Variants in ERBIN observed in about 807,000 individuals in gnomAD.
The protein encoded by ERBIN is densin-180-like protein.
ERBIN carries 60 observed loss-of-function variants against 158.4 expected under a neutral mutation model. That is an observed-to-expected ratio of 0.38 (90% CI 0.31 to 0.47). The LOEUF (loss-of-function observed/expected upper bound fraction) is 0.47. ERBIN is among the 20% of genes least tolerant of loss of function. The pLI is 0.99. For missense variants in ERBIN, 1,610 were observed against 1,648.0 expected, an observed-to-expected ratio of 0.98 and a Z score of 0.40; for synonymous variants, 594 against 557.2, an observed-to-expected ratio of 1.07 and a Z score of -0.93.
chr5:65,973,477 T>C (rs1231841337), intron 1 of ERBIN, among the ~76,000 whole-genome samples: 1 of 151,236 alleles, frequency 6.6e-6, no homozygotes, highest in Non-Finnish European at 1.5e-5. Context: ...TGCATTTTAA[T>C]AGAGGATGTA....
intron 1 of ERBIN, among the ~76,000 whole-genome samples, chr5:65,953,481 T>A (rs1746750883): frequency 6.6e-6 from 1 of 152,238 alleles, no homozygotes. Context: ...AATCCAGGGC[T>A]TGAGCCACTG....
intron 1 of ERBIN, among the ~76,000 whole-genome samples, chr5:65,955,706 G>A (rs1174938626): frequency 1.3e-5 from 2 of 152,220 alleles, no homozygotes; most frequent in Non-Finnish European, 2.9e-5. Context: ...GATTTTGGCT[G>A]TCTTCAGGTC....
At chr5:65,948,565 A>G (rs1008529025) in intron 1 of ERBIN, among the ~76,000 whole-genome samples, 4 of 152,078 alleles carry the variant, frequency 2.6e-5, no homozygotes, top group Non-Finnish European at 4.4e-5. Flanking sequence ...GGGTAGGCTA[A>G]TGTAGTTTAC....
chr5:66,053,218 T>A (rs981579379), intron 20 of ERBIN, among the ~76,000 whole-genome samples, 188 bp from the exon 21 acceptor site: 2 of 152,196 alleles, frequency 1.3e-5, no homozygotes, highest in African/African-American at 4.8e-5. Flanking sequence ...TGTCTCCAAC[T>A]GAATATAAAG....
intron 14 of ERBIN, 57 bp downstream of exon 14, chr5:66,028,400 C>T (rs1192009739): frequency 2.9e-6 from 4 of 1,391,856 alleles, no homozygotes; most frequent in Non-Finnish European, 4.1e-6. Context: ...TATAGTTTTG[C>T]ACTCCGATTT....
chr5:65,984,217 C>T (rs1170693407), intron 1 of ERBIN, among the ~76,000 whole-genome samples: 1 of 151,640 alleles, frequency 6.6e-6, no homozygotes, highest in Non-Finnish European at 1.5e-5. Flanking sequence ...GTTTGCACAC[C>T]CAGCGTGGCC....
At chr5:66,058,265 T>C (rs1759845753) in intron 21 of ERBIN, among the ~76,000 whole-genome samples, 1 of 151,740 alleles carries the variant, frequency 6.6e-6, no homozygotes, top group African/African-American at 2.4e-5. Context: ...ATTGTGGTTT[T>C]GATTTGTATT....
chr5:66,076,442 T>C, intron 24 of ERBIN, 34 bp downstream of exon 24: 2 of 1,468,866 alleles, frequency 1.4e-6, no homozygotes, highest in Non-Finnish European at 1.9e-6. Flanking sequence ...GAAACACCTA[T>C]AAAGTTTTAT....
At chr5:65,942,415 C>T (rs986460056) in intron 1 of ERBIN, among the ~76,000 whole-genome samples, 2 of 152,202 alleles carry the variant, frequency 1.3e-5, no homozygotes, top group Admixed American at 1.3e-4. Flanking sequence ...GTTTTGGGCT[C>T]ATCTAAGTGA....
intron 4 of ERBIN, among the ~76,000 whole-genome samples, chr5:66,001,891 C>T (rs1753044045): frequency 1.3e-5 from 2 of 152,068 alleles, no homozygotes; most frequent in Admixed American, 1.3e-4. Flanking sequence ...TGGTTTGCTG[C>T]ACCTATCAAC....
intron 1 of ERBIN, among the ~76,000 whole-genome samples, chr5:65,953,873 CATTA>C (rs1337031000): frequency 1.3e-5 from 2 of 152,124 alleles, no homozygotes; most frequent in Non-Finnish European, 2.9e-5. Flanking sequence ...GATTGTAGAA[CATTA>C]ATTTCGACAT....
intron 25 of ERBIN, among the ~76,000 whole-genome samples, chr5:66,077,261 T>C (rs1762072330): frequency 6.6e-6 from 1 of 152,176 alleles, no homozygotes; most frequent in Admixed American, 6.5e-5. Context: ...GGATGTGGGC[T>C]ATTGTCCTTT....
chr5:65,961,388 A>G (rs1747893667), intron 1 of ERBIN: 1 of 152,188 alleles, frequency 6.6e-6, no homozygotes, highest in African/African-American at 2.4e-5. Flanking sequence ...CAGAGTTAAT[A>G]TTTGTAAATT....
At chr5:65,977,829 G>C (rs1018696869) in intron 1 of ERBIN, among the ~76,000 whole-genome samples, 47 of 152,264 alleles carry the variant, frequency 3.1e-4, no homozygotes, top group African/African-American at 1.1e-3. Context: ...AGGTTGTAGC[G>C]AGCCGAGATC....
intron 1 of ERBIN, among the ~76,000 whole-genome samples, chr5:65,928,841 G>A (rs1054686760): frequency 6.6e-6 from 1 of 152,158 alleles, no homozygotes; most frequent in African/African-American, 2.4e-5. Context: ...TGTGACAAAG[G>A]TTTGAAAAGA....
intron 7 of ERBIN, among the ~76,000 whole-genome samples, chr5:66,019,247 A>T (rs763712984): frequency 6.6e-6 from 1 of 152,162 alleles, no homozygotes; most frequent in Non-Finnish European, 1.5e-5. Flanking sequence ...AAACAAGAGG[A>T]TATAGTTTTA....
rs796821992 is a variant in ERBIN at position 66,075,294 on chromosome 5, T to G, written c.3963+64T>G. The G allele has an allele frequency of 4.3e-5, 55 of 1,290,770 alleles. No homozygotes were observed. The African/African-American group carries it at 7.6e-4, about 18-fold the overall frequency. The allele number at this position is 1,290,770 out of a possible 1,614,324, so 80.0% of individuals were successfully genotyped here. On this transcript the variant is annotated intron_variant, in intron 23 of 25. Coordinates refer to ENST00000284037, the MANE Select transcript of ERBIN (RefSeq NM_001253697.2). ...CTTTTTATGTATTTTTATAGGTTAC[T>G]TAATTATTAGTAAATCCATACAGAA...
chr5:66,014,597 T>A, intron 6 of ERBIN, 72 bp from the exon 7 acceptor site: 1 of 735,504 alleles, frequency 1.4e-6, no homozygotes, highest in Non-Finnish European at 2.2e-6. Flanking sequence ...CTTTAAAACA[T>A]TAGAATATGA....
At chr5:65,942,643 G>A (rs1028111014) in intron 1 of ERBIN, among the ~76,000 whole-genome samples, 10 of 152,214 alleles carry the variant, frequency 6.6e-5, no homozygotes, top group Non-Finnish European at 1.5e-4. Context: ...ATAGACTTAA[G>A]GCTGGGTGCA....
Sources: gnomAD v4.1 joint callset for allele counts (sites outside exome capture counted in the v4.1 genomes callset) on GRCh38, gnomAD v4.1.1 for gene constraint, MANE v1.5 for transcripts, NCBI Gene and HGNC (gene_info 2026-07-23, HGNC 2026-07-21) for gene names.